The following PCDHA3 variants were observed in gnomAD, a reference collection of about 807,000 sequenced individuals.
The protein encoded by PCDHA3 is protocadherin alpha 3, also known as protocadherin alpha-3.
Under a neutral mutation model 62.2 loss-of-function variants are expected in PCDHA3, and 41 were observed. The ratio of observed to expected loss-of-function variants is 0.66; its 90% CI spans 0.51 to 0.86. The LOEUF is 0.86. PCDHA3 is among the 40% of genes least tolerant of loss of function. The pLI, the probability that PCDHA3 is intolerant of heterozygous loss-of-function variation, is 0.00. For synonymous variants in PCDHA3, 640 were observed against 555.4 expected, an observed-to-expected ratio of 1.15 and a Z score of -2.14; for missense variants, 1,304 against 1,241.2, an observed-to-expected ratio of 1.05 and a Z score of -0.76.
intron 1 of PCDHA3, among the ~76,000 whole-genome samples, chr5:140,917,537 A>G (rs1433498846): frequency 2.0e-5 from 3 of 152,222 alleles, no homozygotes; most frequent in Middle Eastern, 3.2e-3. Flanking sequence ...GTATAGTTTT[A>G]GGTTTTACAT....
At chr5:140,982,691 C>G in intron 3 of PCDHA3, 128 bp downstream of exon 3, 1 of 1,408,152 alleles carries the variant, frequency 7.1e-7, no homozygotes, top group Non-Finnish European at 9.3e-7. Flanking sequence ...TTTTTCCATA[C>G]ATACATGATT....
At chr5:140,902,473 T>A (rs2069483138) in intron 1 of PCDHA3, among the ~76,000 whole-genome samples, 1 of 152,208 alleles carries the variant, frequency 6.6e-6, no homozygotes, top group African/African-American at 2.4e-5. Context: ...CTTTGAGTTT[T>A]TGCCTGCTCA....
At chr5:140,828,988 G>A (rs2150161679) in intron 1 of PCDHA3, 6 of 1,613,982 alleles carry the variant, frequency 3.7e-6, no homozygotes, top group Non-Finnish European at 5.1e-6. Flanking sequence ...ATCGAAATAC[G>A]GGAGAAATAG....
chr5:140,808,849 C>T (rs1466970963), intron 1 of PCDHA3: 5 of 1,613,084 alleles, frequency 3.1e-6, no homozygotes, highest in Non-Finnish European at 4.2e-6. Flanking sequence ...TGCAGGTGTT[C>T]GTGCTGGACG....
chr5:140,997,668 TTG>T (rs35184029), intron 3 of PCDHA3, among the ~76,000 whole-genome samples: 38,693 of 147,760 alleles, frequency 0.26, 5,114 homozygotes, highest in Middle Eastern at 0.39. Flanking sequence ...ATTATACAGC[TTG>T]TGTGTGTGTG....
At chr5:140,967,588 A>G (rs782208520) in intron 1 of PCDHA3, 7 of 1,614,116 alleles carry the variant, frequency 4.3e-6, no homozygotes, top group Non-Finnish European at 5.1e-6. Flanking sequence ...CCCCAGGCAC[A>G]TTGGTGGTGA....
chr5:140,877,014 C>T, intron 1 of PCDHA3: 4 of 1,612,440 alleles, frequency 2.5e-6, no homozygotes, highest in Non-Finnish European at 2.5e-6. Flanking sequence ...ACGCGGAGAG[C>T]GGCAAGGTGT....
chr5:140,801,060 A>G lies in PCDHA3; in HGVS notation c.-138A>G. ...CACAAAAGAAATAACAGCGTGCATT[A>G]CGTATTCAGATACTGCTTTGCTTCA... On this transcript the variant is annotated 5_prime_UTR_variant, in exon 1 of 4. Transcript: ENST00000522353. The G allele has an allele frequency of 4.1e-6, 6 of 1,452,866 alleles. No homozygotes were observed. Among genetic ancestry groups the G allele is most frequent in the Non-Finnish European group, 4.5e-6 (5 of 1,108,574 alleles). The allele number at this position is 1,452,866 out of a possible 1,614,324, so 90.0% of individuals were successfully genotyped here.
At chr5:140,875,464 T>A (rs782432702) in intron 1 of PCDHA3, 1 of 1,599,740 alleles carries the variant, frequency 6.3e-7, no homozygotes, top group Admixed American at 1.7e-5. Flanking sequence ...GAGGCCCTCA[T>A]TTTCTGCAAT....
chr5:140,915,542 G>T (rs1253663657), intron 1 of PCDHA3, among the ~76,000 whole-genome samples: 2 of 152,030 alleles, frequency 1.3e-5, no homozygotes, highest in Admixed American at 6.6e-5. Context: ...TGGAGGTCTT[G>T]AATAAGATCC....
chr5:140,865,785 T>C (rs2049000599), intron 1 of PCDHA3: 1 of 152,188 alleles, frequency 6.6e-6, no homozygotes, highest in South Asian at 2.1e-4. Flanking sequence ...ATGTGTATCT[T>C]TCAGGCTTCA....
intron 1 of PCDHA3, among the ~76,000 whole-genome samples, chr5:140,888,041 A>G (rs571709864): frequency 2.0e-5 from 3 of 152,296 alleles, no homozygotes; most frequent in South Asian, 4.1e-4. Context: ...TAGTACATGT[A>G]TAATAGATGT....
chr5:140,967,114 C>T (rs782407413), intron 1 of PCDHA3: 17 of 1,612,932 alleles, frequency 1.1e-5, no homozygotes, highest in Non-Finnish European at 1.4e-5. Flanking sequence ...AGCGGCCTCG[C>T]TGCCTGCTCA....
At chr5:140,842,504 T>C (rs1554139112) in intron 1 of PCDHA3, 9 of 1,613,696 alleles carry the variant, frequency 5.6e-6, no homozygotes, top group Non-Finnish European at 7.6e-6. Context: ...CCATGTCCCC[T>C]TCAAGCTGGT....
intron 1 of PCDHA3, among the ~76,000 whole-genome samples, chr5:140,965,088 G>A (rs1390840466): frequency 4.6e-5 from 7 of 152,196 alleles, no homozygotes; most frequent in Non-Finnish European, 8.8e-5. Context: ...CTTTGTTCCA[G>A]TCCATAGCTA....
intron 3 of PCDHA3, among the ~76,000 whole-genome samples, chr5:140,999,763 T>C (rs1475737646): frequency 2.0e-5 from 3 of 152,200 alleles, no homozygotes; most frequent in African/African-American, 7.2e-5. Flanking sequence ...ACATGATGTC[T>C]TTATACTCTT....
chr5:140,842,503 C>A, intron 1 of PCDHA3: 1 of 1,613,836 alleles, frequency 6.2e-7, no homozygotes. Context: ...CCCATGTCCC[C>A]TTCAAGCTGG....
intron 1 of PCDHA3, chr5:140,808,497 C>G: frequency 6.2e-7 from 1 of 1,614,154 alleles, no homozygotes; most frequent in African/African-American, 1.3e-5. Flanking sequence ...TCGCTGTGGG[C>G]CACGGCCAGT....
At chr5:140,877,697 C>A in intron 1 of PCDHA3, 2 of 1,613,912 alleles carry the variant, frequency 1.2e-6, no homozygotes, top group Non-Finnish European at 1.7e-6. Context: ...CTGGTGTGCT[C>A]CAGCGCCGTG....
Sources: allele counts gnomAD v4.1 joint callset (sites outside exome capture counted in the v4.1 genomes callset), GRCh38; gene constraint gnomAD v4.1.1; transcripts MANE v1.5; gene names NCBI Gene and HGNC (gene_info 2026-07-23, HGNC 2026-07-21).